The following LMF1 variants were observed in gnomAD, a reference collection of about 807,000 sequenced individuals.
LMF1 encodes transmembrane protein 112.
In LMF1, 68 loss-of-function variants were observed where a neutral mutation model predicts 60.6. That is an observed-to-expected ratio of 1.12 (90% CI 0.92 to 1.37). The LOEUF (loss-of-function observed/expected upper bound fraction) is 1.37. Among genes scored for constraint, LMF1 ranks in the 40% most tolerant of loss-of-function variants. The pLI, the probability that LMF1 is intolerant of heterozygous loss-of-function variation, is 0.00. For missense variants in LMF1, 948 were observed against 767.2 expected (o/e 1.24, Z -2.78); for synonymous variants, 418 against 324.7 (o/e 1.29, Z -3.09).
intron 6 of LMF1, 68 bp downstream of exon 6, chr16:879,502 C>A: frequency 6.4e-7 from 1 of 1,558,028 alleles, no homozygotes. Flanking sequence ...GAGAGCGGGG[C>A]AGCCAGAAAT....
chr16:854,668 C>T lies in LMF1; in HGVS notation c.1568G>A (p.Arg523His), dbSNP rs151137164. The T allele has an allele frequency of 1.4e-3, 2,300 of 1,603,664 alleles. 34 individuals carry two copies. In the African/African-American group the frequency reaches 0.027, roughly 19 times the overall value. The part of the protein sequence containing the change: ...RGEHYRYKFS[R>H]PGGRHAAEGK... ...CTCGGCGGCGTGCCTGCCCCCAGGACGGCTGAACTTGTACCTGTAGTGCTC... is the reference window on the plus strand; with the variant it reads ...CTCGGCGGCGTGCCTGCCCCCAGGATGGCTGAACTTGTACCTGTAGTGCTC... The change falls in exon 11 of 11, where the codon CGT becomes CAT. Residue 523 changes from arginine (R) to histidine (H), a missense_variant. Transcript: ENST00000262301.
At chr16:958,309 C>T (rs1222251206) in intron 1 of LMF1, among the ~76,000 whole-genome samples, 6 of 151,968 alleles carry the variant, frequency 3.9e-5, no homozygotes, top group Non-Finnish European at 5.9e-5. Context: ...AAACACAAGC[C>T]GCAGATTGGA....
intron 2 of LMF1, among the ~76,000 whole-genome samples, chr16:946,344 C>T (rs556918710): frequency 1.3e-5 from 2 of 152,326 alleles, no homozygotes; most frequent in South Asian, 2.1e-4. Flanking sequence ...CCAGAAACCT[C>T]AGATCCCAAC....
At chr16:872,168 G>GC (rs1241352299) in intron 6 of LMF1, 2 of 152,206 alleles carry the variant, frequency 1.3e-5, no homozygotes, top group Admixed American at 6.5e-5. Context: ...AGCTTGCGTG[G>GC]CCGGTCGCCC....
intron 3 of LMF1, among the ~76,000 whole-genome samples, chr16:924,862 A>G (rs1369387172): frequency 2.6e-5 from 4 of 152,272 alleles, no homozygotes; most frequent in African/African-American, 9.6e-5. Context: ...GGGATGATCT[A>G]TGGCGGTTTA....
intron 5 of LMF1, among the ~76,000 whole-genome samples, chr16:884,507 G>A (rs912714444): frequency 1.3e-5 from 2 of 152,252 alleles, no homozygotes; most frequent in Admixed American, 6.5e-5. Context: ...ACATTGACAA[G>A]CTGAAAGAAC....
intron 3 of LMF1, among the ~76,000 whole-genome samples, chr16:923,526 G>A (rs1567247180): frequency 6.6e-6 from 1 of 152,172 alleles, no homozygotes; most frequent in Non-Finnish European, 1.5e-5. Context: ...TGGCAGCACA[G>A]CTTGAGCCCA....
At chr16:978,481 C>T (rs943458087) in intron 1 of LMF1, among the ~76,000 whole-genome samples, 15 of 152,318 alleles carry the variant, frequency 9.8e-5, no homozygotes, top group African/African-American at 2.6e-4. Context: ...GCAGCAGAGC[C>T]TGTCCACCCA....
In LMF1 at chr16:898,422, G is replaced by A. The variant is rs547519576; in HGVS notation, c.664-5350C>T. 7.2e-5 allele frequency among the ~76,000 whole-genome samples: 11 copies of A among 152,334 alleles called. No homozygotes were observed. The East Asian group carries it at 1.5e-3, about 21-fold the overall frequency. On this transcript the variant is annotated intron_variant, in intron 4 of 10. Coordinates refer to ENST00000262301, the MANE Select transcript of LMF1 (RefSeq NM_022773.4). Reference sequence around the variant, plus strand: ...GCCAGCCGGGAGAGCCTGGGCTTCCGGGATCTAAGGCCTGTTCTCAGAGGC... The same window carrying A: ...GCCAGCCGGGAGAGCCTGGGCTTCCAGGATCTAAGGCCTGTTCTCAGAGGC...
chr16:866,864 G>A (rs1046499475), intron 10 of LMF1, among the ~76,000 whole-genome samples: 1 of 152,184 alleles, frequency 6.6e-6, no homozygotes, highest in African/African-American at 2.4e-5. Context: ...AGAAAATGAG[G>A]CCGAAAGCAA....
chr16:901,073 T>G (rs755273141), intron 4 of LMF1: 1 of 148,028 alleles, frequency 6.8e-6, no homozygotes, highest in Non-Finnish European at 1.5e-5. Flanking sequence ...AGGTAGGGAG[T>G]CGGGGGAGGG....
At position 859,546 on chromosome 16, in the gene LMF1, G is replaced by A. The variant is rs560532630; in HGVS notation, c.1530-4840C>T. On this transcript the variant is annotated intron_variant, in intron 10 of 10. Coordinates refer to ENST00000262301, the MANE Select transcript of LMF1 (RefSeq NM_022773.4). Reference sequence around the variant, plus strand: ...ACGGGTGTGAGTGGTGTCTCGGGACGGGTGTGCAGTGATGTCACGGGACGG... The same window carrying A: ...ACGGGTGTGAGTGGTGTCTCGGGACAGGTGTGCAGTGATGTCACGGGACGG... Among the ~76,000 whole-genome samples the A allele has an allele frequency of 3.1e-3, 7 of 2,284 alleles. 1 individual carries two copies. Among genetic ancestry groups the A allele is most frequent in the African/African-American group, 0.013 (6 of 446 alleles). The allele number at this position is 2,284 out of a possible 152,430, so 1.5% of individuals were successfully genotyped here.
chr16:887,339 C>T (rs2070338744), intron 5 of LMF1, among the ~76,000 whole-genome samples: 2 of 152,340 alleles, frequency 1.3e-5, no homozygotes, highest in South Asian at 4.1e-4. Flanking sequence ...GGGGCGCCTG[C>T]CTGACACGGG....
rs13336972 is a variant in LMF1 at position 893,117 on chromosome 16, G to C, written c.664-45C>G. 4.2e-3 allele frequency: 6,358 copies of C among 1,507,376 alleles called. 241 individuals carry two copies. The African/African-American group carries it at 0.078, about 18-fold the overall frequency. 93.4% of individuals were successfully genotyped at this position (1,507,376 alleles called of 1,614,324 possible). Reference sequence around the variant, plus strand: ...GGGAGAGTCAGTCACAGGGGCTGGGGATGCGGCGGCCCCGACAGAAACAGC... The same window carrying C: ...GGGAGAGTCAGTCACAGGGGCTGGGCATGCGGCGGCCCCGACAGAAACAGC... On this transcript the variant is annotated intron_variant, in intron 4 of 10. Transcript: ENST00000262301.
chr16:932,606 T>C lies in LMF1; in HGVS notation c.514+1638A>G, dbSNP rs150251675. 2.0e-3 allele frequency among the ~76,000 whole-genome samples: 302 copies of C among 152,296 alleles called. 1 individual carries two copies. The highest frequency in any genetic ancestry group is 7.1e-3 in the African/African-American group (295 of 41,566). Reference sequence around the variant, plus strand: ...ATTTTAATTAAAAAAATTTTTTTTGTGGTGATAGGGTCTTGCTATGTTGCC... The same window carrying C: ...ATTTTAATTAAAAAAATTTTTTTTGCGGTGATAGGGTCTTGCTATGTTGCC... On this transcript the variant is annotated intron_variant, in intron 3 of 10. Transcript: ENST00000262301.
At chr16:889,753 C>A (rs144263775) in intron 5 of LMF1, among the ~76,000 whole-genome samples, 192 of 152,318 alleles carry the variant, frequency 1.3e-3, no homozygotes, top group African/African-American at 4.2e-3. Context: ...GGAATCAGGT[C>A]CTCCTTGGAG....
At chr16:978,670 G>C (rs143479114) in intron 1 of LMF1, among the ~76,000 whole-genome samples, 7 of 152,322 alleles carry the variant, frequency 4.6e-5, no homozygotes, top group Non-Finnish European at 7.4e-5. Flanking sequence ...CCCACTAGCA[G>C]GTGGTGAGGT....
At chr16:971,018 CTCGGAGGCCCCGCCCAT>C (rs1311578992), upstream of LMF1, 38 of 611,774 alleles carry the variant, frequency 6.2e-5, no homozygotes, top group Admixed American at 7.7e-4. Context: ...CCCGCCCATT[CTCGGAGGCCCCGCCCAT>C]TCTCGGAGGC....
chr16:878,933 G>A lies in LMF1; in HGVS notation c.897+637C>T, dbSNP rs944097410. On this transcript the variant is annotated intron_variant, in intron 6 of 10. Transcript: ENST00000262301. This position sits in a 1 kb window ranked among gnomAD's most constrained non-coding sequence, Gnocchi z 5.2. ...ACATTTTCCTTGGGAATTGACAGTC[G>A]GAATGTAGCGTTTACAGGGAAAAGC... is the stretch of plus-strand genomic sequence containing the variant. Among the ~76,000 whole-genome samples, 4 of 152,170 alleles carry A rather than the reference G, an allele frequency of 2.6e-5. No individual in the cohort carries two copies. Among genetic ancestry groups the A allele is most frequent in the Non-Finnish European group, 4.4e-5 (3 of 68,026 alleles).
Sources: gnomAD v4.1 joint callset for allele counts (sites outside exome capture counted in the v4.1 genomes callset) on GRCh38, gnomAD v4.1.1 for gene constraint, Gnocchi (gnomAD v3.1) non-coding constraint, MANE v1.5 for transcripts, NCBI Gene and HGNC (gene_info 2026-07-23, HGNC 2026-07-21) for gene names.